PDE4C: variants seen among roughly 807,000 people sequenced by gnomAD.
PDE4C encodes the protein phosphodiesterase 4C, also known as 3',5'-cyclic-AMP phosphodiesterase 4C.
PDE4C carries 50 observed loss-of-function variants against 63.9 expected under a neutral mutation model. That is an observed-to-expected ratio of 0.78 (90% CI 0.62 to 0.99). PDE4C has a LOEUF of 0.99. PDE4C is among the 50% of genes least tolerant of loss of function. The pLI, the probability that PDE4C is intolerant of heterozygous loss-of-function variation, is 0.00. For synonymous variants in PDE4C, 377 were observed against 385.1 expected (o/e 0.98, Z 0.25); for missense variants, 777 against 899.1 (o/e 0.86, Z 1.74).
At chr19:18,211,197 A>G (rs755300352) in exon 15 of PDE4C, 2 of 1,613,964 alleles carry the variant, frequency 1.2e-6, no homozygotes, top group African/African-American at 1.3e-5. Context: ...CAGCGTGTCC[A>G]GCAGGTCCTG....
At chr19:18,243,062 C>T (rs1381867937) in intron 1 of PDE4C, among the ~76,000 whole-genome samples, 3 of 152,008 alleles carry the variant, frequency 2.0e-5, no homozygotes, top group African/African-American at 7.2e-5. Context: ...GAAAGACAGG[C>T]CATAGCCACG....
At chr19:18,208,731 G>C (rs1967799359), downstream of PDE4C, 1 of 152,268 alleles carries the variant, frequency 6.6e-6, no homozygotes, top group East Asian at 1.9e-4. Flanking sequence ...GGAGGTCACA[G>C]ACAACAACCC....
At chr19:18,240,523 C>T (rs530736405) in intron 1 of PDE4C, among the ~76,000 whole-genome samples, 6 of 151,428 alleles carry the variant, frequency 4.0e-5, no homozygotes, top group South Asian at 2.1e-4. Context: ...ATCAAGAGAT[C>T]GAGACCAGCC....
chr19:18,231,434 G>A (rs1968844886), upstream of PDE4C, among the ~76,000 whole-genome samples: 1 of 152,190 alleles, frequency 6.6e-6, no homozygotes, highest in African/African-American at 2.4e-5. Context: ...TGGGGAAGGA[G>A]GAACTAGAAG....
intron 12 of PDE4C, among the ~76,000 whole-genome samples, chr19:18,214,373 G>A (rs753739993): frequency 2.6e-4 from 39 of 152,142 alleles, no homozygotes; most frequent in Admixed American, 1.3e-3. Flanking sequence ...CCTGAGGACA[G>A]TGGGGAGGAT....
upstream of PDE4C, among the ~76,000 whole-genome samples, chr19:18,235,592 A>G (rs998487475): frequency 6.6e-6 from 1 of 152,032 alleles, no homozygotes; most frequent in Non-Finnish European, 1.5e-5. Flanking sequence ...CCTCCTTCCT[A>G]GTCTCCTTGG....
chr19:18,242,628 A>T (rs1600103869), intron 1 of PDE4C, among the ~76,000 whole-genome samples: 1 of 12,306 alleles, frequency 8.1e-5, no homozygotes. Flanking sequence ...CTAAAAATAC[A>T]AAAAAAAATA....
At chr19:18,212,106 C>T (rs1448030362) in intron 13 of PDE4C, among the ~76,000 whole-genome samples, 165 bp from the exon 14 acceptor site, 1 of 152,046 alleles carries the variant, frequency 6.6e-6, no homozygotes, top group Non-Finnish European at 1.5e-5. Context: ...TGACTCTTGC[C>T]ATTTCTTCAA....
At chr19:18,219,029 C>G (rs762775837) in exon 9 of PDE4C, 20 of 1,612,920 alleles carry the variant, frequency 1.2e-5, no homozygotes, top group Non-Finnish European at 1.6e-5. Context: ...TTGTTGGTGT[C>G]TTCTAGCTCC....
At position 18,220,301 on chromosome 19, in the gene PDE4C, G is replaced by T; in HGVS notation, c.631C>A (p.Arg211=). The T allele has an allele frequency of 1.2e-6, 2 of 1,614,056 alleles. No individual in the cohort carries two copies. Among genetic ancestry groups the T allele is most frequent in the South Asian group, 2.2e-5 (2 of 91,076 alleles). Residue 211 remains arginine, a synonymous_variant, in exon 7 of 15, where the codon CGG becomes AGG. Coordinates refer to ENST00000262805, the Ensembl canonical transcript of PDE4C. This position sits in a 1 kb window ranked among gnomAD's most constrained non-coding sequence, Gnocchi z 5.1. ...GTTTCGGACAGGTGGGTCAACTCCC[G>T]GTTCAGGATCCGCTTGAACTGGGGC...
intron 1 of PDE4C, among the ~76,000 whole-genome samples, chr19:18,222,704 T>C (rs1403040831): frequency 5.2e-5 from 7 of 134,040 alleles, no homozygotes; most frequent in African/African-American, 1.4e-4. Flanking sequence ...TCTTTTCTTT[T>C]TTTTTTTTTT....
In PDE4C at chr19:18,221,309, CG is replaced by C. The variant is rs541627656; in HGVS notation, c.339-13del. 1.1e-5 allele frequency: 17 copies of C among 1,539,000 alleles called. No individual in the cohort carries two copies. The Admixed American group carries it at 2.7e-4, about 25-fold the overall frequency. ...TGTCCTCTCCATGTCTGCGAGGAGA[CG>C]GGCCATCAGGGAGAGCTCTCTCCCA... On this transcript the variant is annotated splice_polypyrimidine_tract_variant and intron_variant, in intron 2 of 14. Coordinates refer to ENST00000262805, the Ensembl canonical transcript of PDE4C.
rs369045104 is a variant in PDE4C, at chr19:18,212,130, T to C, written c.1513-189A>G. ...CCATTTCTTCAAGTTTGGCATCCAG[T>C]CGGCACTTCATAAATGAAGCTAAAT... On this transcript the variant is annotated intron_variant, in intron 13 of 14. Transcript: ENST00000262805. 1.8e-4 allele frequency among the ~76,000 whole-genome samples: 28 copies of C among 151,988 alleles called. No individual in the cohort carries two copies. The East Asian group carries it at 5.2e-3, about 28-fold the overall frequency.
At chr19:18,221,584 A>T (rs1418061991) in intron 2 of PDE4C, among the ~76,000 whole-genome samples, 1 of 151,702 alleles carries the variant, frequency 6.6e-6, no homozygotes. Context: ...GTATTTCTTC[A>T]TTTGCTGCTA....
At chr19:18,213,842 G>T (rs1968077272) in intron 12 of PDE4C, among the ~76,000 whole-genome samples, 2 of 152,124 alleles carry the variant, frequency 1.3e-5, no homozygotes, top group South Asian at 4.1e-4. Context: ...GGGGCGGAAG[G>T]CATTCGTTGA....
upstream of PDE4C, among the ~76,000 whole-genome samples, chr19:18,226,912 T>C (rs1005338): frequency 0.64 from 97,757 of 151,868 alleles, 32,159 homozygotes; most frequent in East Asian, 0.71. Flanking sequence ...GGCCCAACTG[T>C]ACTTCTTTAG....
intron 1 of PDE4C, among the ~76,000 whole-genome samples, chr19:18,242,475 C>CA (rs748870873): frequency 0.57 from 17,119 of 29,780 alleles, 6,361 homozygotes; most frequent in African/African-American, 0.74. Context: ...GACTCCATCT[C>CA]AAAAAAAAAA....
At chr19:18,221,514 G>A (rs1390937318) in intron 2 of PDE4C, among the ~76,000 whole-genome samples, 1 of 152,118 alleles carries the variant, frequency 6.6e-6, no homozygotes, top group African/African-American at 2.4e-5. Context: ...GGGAAACTGA[G>A]TCCTAGGGGT....
chr19:18,241,601 C>T (rs1306949764), intron 1 of PDE4C, among the ~76,000 whole-genome samples: 4 of 151,478 alleles, frequency 2.6e-5, no homozygotes, highest in Admixed American at 6.6e-5. Flanking sequence ...CAGGCTGGAG[C>T]GTGCAGTGGT....
Sources: gnomAD v4.1 joint callset for allele counts (sites outside exome capture counted in the v4.1 genomes callset) on GRCh38, gnomAD v4.1.1 for gene constraint, Gnocchi (gnomAD v3.1) non-coding constraint, MANE v1.5 for transcripts, NCBI Gene and HGNC (gene_info 2026-07-23, HGNC 2026-07-21) for gene names.